Variants in TMEM9 observed in about 807,000 individuals in gnomAD.
The protein encoded by TMEM9 is transmembrane protein 9, also known as proton-transporting V-type ATPase complex assembly regulator TMEM9.
In TMEM9, 13 loss-of-function variants were observed where a neutral mutation model predicts 22.8. That is an observed-to-expected ratio of 0.57 (90% confidence interval 0.37 to 0.91). The LOEUF is 0.91. TMEM9 is among the 40% of genes least tolerant of loss of function. TMEM9 has a pLI of 0.01. For synonymous variants in TMEM9, 88 were observed against 93.0 expected, an observed-to-expected ratio of 0.95 and a Z score of 0.31; for missense variants, 182 against 238.1, an observed-to-expected ratio of 0.76 and a Z score of 1.55.
In TMEM9 at chr1:201,160,746, C is replaced by T. The variant is rs186091465; in HGVS notation, c.-36-6787G>A. On this transcript the variant is annotated intron_variant, in intron 1 of 5. Transcript: ENST00000367333. ...AGTCAGGAGATCGAGAACATCCTGG[C>T]TAACACGGTGAAACCCCATCTCTAC... Among the ~76,000 whole-genome samples, 384 of 152,066 alleles carry T rather than the reference C, an allele frequency of 2.5e-3. 1 individual carries two copies. Among genetic ancestry groups the T allele is most frequent in the South Asian group, 0.012 (60 of 4,824 alleles).
chr1:201,153,971 GA>G lies in TMEM9; in HGVS notation c.-49del, dbSNP rs1241738959. ...GCAAAGCCGGACACCTGGAAAAAGAGATACGGAGTCGGAGAAGGGGAAGGTG... is the reference window on the plus strand; with the variant it reads ...GCAAAGCCGGACACCTGGAAAAAGAGTACGGAGTCGGAGAAGGGGAAGGTG... On this transcript the variant is annotated 5_prime_UTR_variant, in exon 1 of 5. It removes the in-frame stop codon of an upstream open reading frame in the 5' UTR. Coordinates refer to ENST00000367330, the MANE Select transcript of TMEM9 (RefSeq NM_001288565.2). 6.4e-7 allele frequency: 1 copy of G among 1,574,758 alleles called. No individual in the cohort carries two copies. The highest frequency in any genetic ancestry group is 1.2e-5 in the South Asian group (1 of 84,592).
chr1:201,168,113 T>C (rs1027373902), intron 1 of TMEM9, among the ~76,000 whole-genome samples: 1 of 152,260 alleles, frequency 6.6e-6, no homozygotes, highest in Non-Finnish European at 1.5e-5. Flanking sequence ...TTTGCATTGC[T>C]AAATAATATT....
intron 4 of TMEM9, among the ~76,000 whole-genome samples, chr1:201,140,701 G>A (rs1248396963): frequency 2.0e-5 from 3 of 152,136 alleles, no homozygotes; most frequent in Non-Finnish European, 4.4e-5. Context: ...AGACTTCTGG[G>A]GCGTAGGGCC....
At chr1:201,139,450 G>A (rs999332913) in intron 4 of TMEM9, among the ~76,000 whole-genome samples, 1 of 152,110 alleles carries the variant, frequency 6.6e-6, no homozygotes, top group Admixed American at 6.5e-5. Flanking sequence ...CTGCGGCTAG[G>A]GCCACCTTCC....
chr1:201,168,930 T>C (rs1188763631), intron 1 of TMEM9, among the ~76,000 whole-genome samples: 4 of 150,382 alleles, frequency 2.7e-5, no homozygotes, highest in Non-Finnish European at 5.9e-5. Flanking sequence ...TAGCTGGGAC[T>C]CCAAGCTTGT....
rs1421743532 is a variant in TMEM9, at chr1:201,154,057, GGGGCT to G, written c.-139_-135del. The G allele has an allele frequency of 1.0e-5, 11 of 1,066,814 alleles. No individual in the cohort carries two copies. Among genetic ancestry groups the G allele is most frequent in the African/African-American group, 1.6e-5 (1 of 61,996 alleles). 66.1% of individuals were successfully genotyped at this position (1,066,814 alleles called of 1,614,324 possible). ...ATCCGGCCAAGTGGGAATGGGGTTG[GGGGCT>G]GGGCTCCAGGATTCCAAGGCCTGCT... On this transcript the variant is annotated 5_prime_UTR_variant, in exon 1 of 5. Transcript: ENST00000367330.
intron 1 of TMEM9, among the ~76,000 whole-genome samples, chr1:201,153,358 T>C (rs961847638): frequency 6.6e-6 from 1 of 152,246 alleles, no homozygotes; most frequent in African/African-American, 2.4e-5. Context: ...TGGTTCAGTG[T>C]AGATAAACTT....
At position 201,146,751 on chromosome 1, in the gene TMEM9, T is replaced by C. The variant is rs780356213; in HGVS notation, c.256A>G (p.Thr86Ala). 9 of 1,614,218 alleles carry C rather than the reference T, an allele frequency of 5.6e-6. No homozygotes were observed. Among genetic ancestry groups the C allele is most frequent in the South Asian group, 2.2e-5 (2 of 91,090 alleles). ...GACCCTGGCGTTACCTTGATGGTGG[T>C]GGTGCTGCGCTCCTCGTACCTGCAC... ...CECRYEERST[T>A]TIKVIIVIYL... The change falls in exon 3 of 5, where the codon ACC (threonine) becomes GCC (alanine). Residue 86 changes from threonine (T) to alanine (A), a missense_variant. By Grantham distance (58) the Thr-to-Ala change is moderately conservative. Coordinates refer to ENST00000367330, the MANE Select transcript of TMEM9 (RefSeq NM_001288565.2).
chr1:201,157,085 GCT>G (rs1665817526), upstream of TMEM9, among the ~76,000 whole-genome samples: 1 of 152,170 alleles, frequency 6.6e-6, no homozygotes, highest in Admixed American at 6.5e-5. Flanking sequence ...AAAGACAATA[GCT>G]CTCTGCTACA....
intron 4 of TMEM9, among the ~76,000 whole-genome samples, chr1:201,139,980 G>A (rs1358426292): frequency 6.6e-6 from 1 of 152,218 alleles, no homozygotes; most frequent in African/African-American, 2.4e-5. Flanking sequence ...CTCAGGGGAG[G>A]AGGCCGACTG....
At chr1:201,154,776 A>G (rs546503636), upstream of TMEM9, among the ~76,000 whole-genome samples, 1 of 152,252 alleles carries the variant, frequency 6.6e-6, no homozygotes, top group African/African-American at 2.4e-5. Flanking sequence ...CGCTTTATAC[A>G]CTGTAAGCTA....
chr1:201,135,114 C>T lies in TMEM9; in HGVS notation c.*549G>A, dbSNP rs1651003160. 1.3e-5 allele frequency: 2 copies of T among 153,068 alleles called. No homozygotes were observed. The highest frequency in any genetic ancestry group is 1.9e-4 in the East Asian group (1 of 5,202). 9.5% of individuals were successfully genotyped at this position (153,068 alleles called of 1,614,324 possible). On this transcript the variant is annotated 3_prime_UTR_variant, in exon 5 of 5. Coordinates refer to ENST00000367330, the MANE Select transcript of TMEM9 (RefSeq NM_001288565.2). The stretch of plus-strand genomic sequence containing the variant: ...ACCAGCTTCCAGTGCACCCTGAAGA[C>T]CCAGTGGGCTCAGGGGGCCCAGCTC...
rs1664736134 is a variant in TMEM9, at chr1:201,143,835, A to G, written c.384T>C (p.Asn128=). The change falls in exon 4 of 5, where the codon AAT becomes AAC. Residue 128 remains asparagine (N), a synonymous_variant. Coordinates refer to ENST00000367330, the MANE Select transcript of TMEM9 (RefSeq NM_001288565.2). The part of the protein sequence containing the change: ...KPDAYTEQLH[N]EEENEDARSM... ...GCCCTCTTACCTCATTCTCCTCCTC[A>G]TTGTGCAGTTGCTCAGTATATGCAT... The G allele has an allele frequency of 2.5e-6, 4 of 1,613,948 alleles. No homozygotes were observed. In the East Asian group the frequency reaches 6.7e-5, roughly 27 times the overall value.
rs1266890440 is a variant in TMEM9, at chr1:201,146,726, G to A, written c.267+14C>T. 3 of 1,613,158 alleles carry A rather than the reference G, an allele frequency of 1.9e-6. No individual in the cohort carries two copies. The highest frequency in any genetic ancestry group is 2.5e-6 in the Non-Finnish European group (3 of 1,179,216). ...TGTGGGAATCCCACTGGCTTCCTGA[G>A]ACCCTGGCGTTACCTTGATGGTGGT... On this transcript the variant is annotated intron_variant, in intron 3 of 4. Coordinates refer to ENST00000367330, the MANE Select transcript of TMEM9 (RefSeq NM_001288565.2).
At chr1:201,161,714 C>T (rs951833894) in intron 1 of TMEM9, among the ~76,000 whole-genome samples, 2 of 152,104 alleles carry the variant, frequency 1.3e-5, no homozygotes, top group African/African-American at 4.8e-5. Flanking sequence ...CAGTTTTGAC[C>T]ACAAACTCTT....
chr1:201,143,329 G>A (rs767266916), intron 4 of TMEM9, among the ~76,000 whole-genome samples: 2 of 152,138 alleles, frequency 1.3e-5, no homozygotes, highest in Non-Finnish European at 2.9e-5. Flanking sequence ...TCCCCTGCCC[G>A]GCACCACTGT....
chr1:201,149,083 T>C (rs1381811508), intron 2 of TMEM9, among the ~76,000 whole-genome samples: 1 of 152,188 alleles, frequency 6.6e-6, no homozygotes, highest in Non-Finnish European at 1.5e-5. Flanking sequence ...AAGGCCAAGG[T>C]GTCAGGGGCA....
chr1:201,151,442 C>T (rs11587138), intron 2 of TMEM9, among the ~76,000 whole-genome samples: 110,625 of 152,090 alleles, frequency 0.73, 40,454 homozygotes, highest in Non-Finnish European at 0.77. Context: ...TATCCTACAG[C>T]ATGTGGTCAG....
chr1:201,167,330 G>A (rs1666102493), intron 1 of TMEM9, among the ~76,000 whole-genome samples: 2 of 152,308 alleles, frequency 1.3e-5, no homozygotes, highest in African/African-American at 4.8e-5. Flanking sequence ...GTGGGCAGGG[G>A]GCTAGGGCAT....
Sources: gnomAD v4.1 joint callset for allele counts (sites outside exome capture counted in the v4.1 genomes callset) on GRCh38, gnomAD v4.1.1 for gene constraint, MANE v1.5 for transcripts, NCBI Gene and HGNC (gene_info 2026-07-23, HGNC 2026-07-21) for gene names.